SLFN12L: variants seen among roughly 807,000 people sequenced by gnomAD.
SLFN12L encodes the protein schlafen family member 12-like.
SLFN12L carries 34 observed loss-of-function variants against 34.8 expected under a neutral mutation model. The observed-to-expected ratio is 0.98, with a 90% confidence interval of 0.74 to 1.30. The LOEUF is 1.30. Among genes scored for constraint, SLFN12L ranks in the 50% most tolerant of loss-of-function variants. The probability of loss-of-function intolerance (pLI) is 0.00; values close to 1 mark genes in which losing one functional copy is unlikely to be tolerated. For synonymous variants in SLFN12L, 259 were observed against 247.5 expected (o/e 1.05, Z -0.44); for missense variants, 703 against 696.2 (o/e 1.01, Z -0.11).
intron 2 of SLFN12L, among the ~76,000 whole-genome samples, chr17:35,484,771 C>A (rs1228165478): frequency 1.3e-5 from 2 of 152,046 alleles, no homozygotes; most frequent in Non-Finnish European, 2.9e-5. Context: ...GCTGATAATG[C>A]TGATTTGGGT....
chr17:35,530,418 G>A (rs2072384694), intron 1 of SLFN12L, among the ~76,000 whole-genome samples: 5 of 11,772 alleles, frequency 4.2e-4, no homozygotes, highest in South Asian at 3.2e-3. Flanking sequence ...AGGAAGGAAG[G>A]AAGGAAGGAA....
In SLFN12L at chr17:35,468,912, A is replaced by G. The variant is rs1913756625; in HGVS notation, c.*6011T>C. Among the ~76,000 whole-genome samples, 1 of 152,092 alleles carries G rather than the reference A, an allele frequency of 6.6e-6. No homozygotes were observed. Among genetic ancestry groups the G allele is most frequent in the Non-Finnish European group, 1.5e-5 (1 of 68,036 alleles). On this transcript the variant is annotated 3_prime_UTR_variant, in exon 5 of 5. Coordinates refer to ENST00000628453, the MANE Select transcript of SLFN12L (RefSeq NM_001363830.2). ...ACACCTGTAGTCCCAGCTACTCAAGAGTCTGAGGCAGGAGAATCTCTTGAT... is the reference window on the plus strand; with the variant it reads ...ACACCTGTAGTCCCAGCTACTCAAGGGTCTGAGGCAGGAGAATCTCTTGAT...
chr17:35,535,962 AGTTTGTTTGTTTGTTTGTTT>A (rs111617647), intron 1 of SLFN12L, among the ~76,000 whole-genome samples: 40 of 149,646 alleles, frequency 2.7e-4, no homozygotes, highest in African/African-American at 9.1e-4. Flanking sequence ...GGCCCTGGCT[AGTTTGTTTGTTTGTTTGTTT>A]GTTTGTTTGT....
At chr17:35,534,927 A>G (rs1007147026) in intron 1 of SLFN12L, among the ~76,000 whole-genome samples, 1 of 152,238 alleles carries the variant, frequency 6.6e-6, no homozygotes, top group Non-Finnish European at 1.5e-5. Context: ...AAATAAAAAC[A>G]AAGGGCATAG....
intron 2 of SLFN12L, chr17:35,499,212 C>G (rs1166026360): frequency 2.2e-6 from 2 of 918,812 alleles, no homozygotes; most frequent in African/African-American, 3.4e-5. Flanking sequence ...CTGCACCTGC[C>G]TTCCTAATTT....
chr17:35,490,658 G>C lies in SLFN12L; in HGVS notation c.87-10463C>G, dbSNP rs931582565. On this transcript the variant is annotated intron_variant, in intron 2 of 4. Coordinates refer to ENST00000628453, the MANE Select transcript of SLFN12L (RefSeq NM_001363830.2). Reference sequence around the variant, plus strand: ...AAATTAGATGAACTGATCCCAAGCTGCACGCTGGACCTCAAACTATTAACC... The same window carrying C: ...AAATTAGATGAACTGATCCCAAGCTCCACGCTGGACCTCAAACTATTAACC... 7 of 971,300 alleles carry C rather than the reference G, an allele frequency of 7.2e-6. No homozygotes were observed. In the South Asian group the frequency reaches 9.1e-5, roughly 13 times the overall value. 60.2% of individuals were successfully genotyped at this position (971,300 alleles called of 1,614,324 possible).
intron 1 of SLFN12L, among the ~76,000 whole-genome samples, chr17:35,530,434 GGGAAGGGAAGAAAGAAA>G (rs1348848232): frequency 0.021 from 241 of 11,646 alleles, 31 homozygotes; most frequent in East Asian, 0.034. Context: ...AGGAAGGGAA[GGGAAGGGAAGAAAGAAA>G]GAAAGAAAGA....
At chr17:35,509,575 T>G (rs1915570753) in intron 2 of SLFN12L, among the ~76,000 whole-genome samples, 1 of 152,162 alleles carries the variant, frequency 6.6e-6, no homozygotes, top group East Asian at 1.9e-4. Flanking sequence ...ATAAATTAGT[T>G]ACAGTAGTTG....
intron 2 of SLFN12L, among the ~76,000 whole-genome samples, chr17:35,486,788 C>A (rs1024938222): frequency 1.6e-4 from 25 of 152,036 alleles, no homozygotes; most frequent in Admixed American, 1.0e-3. Flanking sequence ...TGTTGGCTAT[C>A]TTTAATGGGA....
In SLFN12L at chr17:35,467,457, G is replaced by A. The variant is rs1913732939; in HGVS notation, c.*7466C>T. Among the ~76,000 whole-genome samples the A allele has an allele frequency of 6.6e-6, 1 of 152,158 alleles. No homozygotes were observed. The highest frequency in any genetic ancestry group is 6.5e-5 in the Admixed American group (1 of 15,284). On this transcript the variant is annotated 3_prime_UTR_variant, in exon 5 of 5. Coordinates refer to ENST00000628453, the MANE Select transcript of SLFN12L (RefSeq NM_001363830.2). ...TTACAATTACCAAGGTAATAACCAA[G>A]GCACACATTTCACATTGCAAAATAC...
intron 2 of SLFN12L, among the ~76,000 whole-genome samples, chr17:35,506,404 C>T (rs1018296949): frequency 6.6e-6 from 1 of 152,172 alleles, no homozygotes; most frequent in Non-Finnish European, 1.5e-5. Flanking sequence ...ATCCTGTCCA[C>T]CTTCAGAAAG....
At chr17:35,516,356 C>T (rs897076141) in intron 2 of SLFN12L, among the ~76,000 whole-genome samples, 1 of 152,216 alleles carries the variant, frequency 6.6e-6, no homozygotes, top group African/African-American at 2.4e-5. Flanking sequence ...TAAAGCAAAA[C>T]ATTCCATCAC....
chr17:35,497,068 G>T (rs1915108894), intron 2 of SLFN12L, among the ~76,000 whole-genome samples: 2 of 152,110 alleles, frequency 1.3e-5, no homozygotes, highest in African/African-American at 4.8e-5. Context: ...GGCAGCCTGG[G>T]CAACAAAGCT....
intron 2 of SLFN12L, among the ~76,000 whole-genome samples, chr17:35,480,802 G>A (rs994067381): frequency 2.6e-5 from 4 of 151,970 alleles, no homozygotes; most frequent in Non-Finnish European, 5.9e-5. Context: ...AAACATCCAC[G>A]TTTACAAGGA....
intron 2 of SLFN12L, chr17:35,498,467 T>A: frequency 8.0e-7 from 1 of 1,251,222 alleles, no homozygotes; most frequent in East Asian, 2.3e-5. Context: ...TCATCGATTC[T>A]GATTCCCCGC....
At chr17:35,536,808 C>CAA (rs567836499) in intron 1 of SLFN12L, among the ~76,000 whole-genome samples, 3,743 of 128,474 alleles carry the variant, frequency 0.029, 170 homozygotes, top group African/African-American at 0.1. Flanking sequence ...GAGCCTGTCT[C>CAA]AAAAAAAAAA....
chr17:35,527,883 T>C (rs1165141575), intron 1 of SLFN12L, among the ~76,000 whole-genome samples: 1 of 152,058 alleles, frequency 6.6e-6, no homozygotes, highest in Non-Finnish European at 1.5e-5. Context: ...AAATAAAGGG[T>C]ATTCAAGTAG....
chr17:35,535,338 G>A (rs2072449035), intron 1 of SLFN12L, among the ~76,000 whole-genome samples: 1 of 150,942 alleles, frequency 6.6e-6, no homozygotes, highest in Non-Finnish European at 1.5e-5. Context: ...TTACAGACAT[G>A]TGCCACCTTG....
intron 2 of SLFN12L, chr17:35,499,186 T>C: frequency 1.1e-6 from 1 of 947,776 alleles, no homozygotes; most frequent in South Asian, 1.3e-5. Context: ...GATGTGTGAA[T>C]ACCGTTTTTT....
Sources: allele counts gnomAD v4.1 joint callset (sites outside exome capture counted in the v4.1 genomes callset), GRCh38; gene constraint gnomAD v4.1.1; transcripts MANE v1.5; gene names NCBI Gene and HGNC (gene_info 2026-07-23, HGNC 2026-07-21).